RBM33: variants seen among roughly 807,000 people sequenced by gnomAD.
The protein encoded by RBM33 is RNA binding motif protein 33, also known as RNA-binding protein 33.
RBM33 carries 28 observed loss-of-function variants against 132.6 expected under a neutral mutation model. The ratio of observed to expected loss-of-function variants is 0.21; its 90% CI spans 0.16 to 0.29. The LOEUF (loss-of-function observed/expected upper bound fraction) is 0.29, where lower values mean the gene tolerates loss of function less well. Ranked by LOEUF, RBM33 falls within the 10% of genes least tolerant of loss-of-function variation. RBM33 has a pLI of 1.00. For missense variants in RBM33, 1,291 were observed against 1,518.5 expected, an observed-to-expected ratio of 0.85 and a Z score of 2.49; for synonymous variants, 634 against 593.0, an observed-to-expected ratio of 1.07 and a Z score of -1.01.
At chr7:155,684,406 TG>T (rs2116929389) in intron 5 of RBM33, among the ~76,000 whole-genome samples, 1 of 152,320 alleles carries the variant, frequency 6.6e-6, no homozygotes, top group East Asian at 1.9e-4. Flanking sequence ...AAGAGATTCT[TG>T]CTTGCTAATA....
chr7:155,711,626 C>T (rs955750817), intron 8 of RBM33, among the ~76,000 whole-genome samples, 171 bp downstream of exon 8: 12 of 152,172 alleles, frequency 7.9e-5, no homozygotes, highest in African/African-American at 2.9e-4. Context: ...GGGGTAGCAA[C>T]ATGCATCCCA....
intron 16 of RBM33, among the ~76,000 whole-genome samples, chr7:155,772,311 GC>G (rs1802456629): frequency 6.6e-6 from 1 of 152,008 alleles, no homozygotes; most frequent in African/African-American, 2.4e-5. Flanking sequence ...TTAGGGTTAG[GC>G]TGGGATGGAC....
chr7:155,725,064 G>C (rs1457339929), intron 9 of RBM33, among the ~76,000 whole-genome samples: 1 of 150,556 alleles, frequency 6.6e-6, no homozygotes, highest in Non-Finnish European at 1.5e-5. Context: ...AACATAAGTT[G>C]TCAGTAAATG....
At chr7:155,660,748 T>C (rs1245162797) in intron 1 of RBM33, among the ~76,000 whole-genome samples, 1 of 152,244 alleles carries the variant, frequency 6.6e-6, no homozygotes, top group Non-Finnish European at 1.5e-5. Context: ...TTGAGTTTGT[T>C]GAGCCTTCTG....
At chr7:155,760,559 T>A (rs1802000802) in intron 14 of RBM33, among the ~76,000 whole-genome samples, 1 of 152,242 alleles carries the variant, frequency 6.6e-6, no homozygotes, top group Non-Finnish European at 1.5e-5. Context: ...ACGTGCATAG[T>A]GAATTTATGA....
Position 155,739,702 on chromosome 7 carries a change from T to G in RBM33, c.1738-13T>G, listed in dbSNP as rs1237459286. 6.5e-7 allele frequency: 1 copy of G among 1,537,096 alleles called. No individual in the cohort carries two copies. The highest frequency in any genetic ancestry group is 2.5e-5 in the East Asian group (1 of 40,808). ...TTTATGAACTGTTGTTTCTCTTTCT[T>G]TGGAAATGGAAGGGGCCGTTGCATC... On this transcript the variant is annotated splice_polypyrimidine_tract_variant and intron_variant, in intron 11 of 17. Coordinates refer to ENST00000401878, the MANE Select transcript of RBM33 (RefSeq NM_053043.3).
At chr7:155,719,432 GGT>G (rs1800559387) in intron 9 of RBM33, among the ~76,000 whole-genome samples, 1 of 152,098 alleles carries the variant, frequency 6.6e-6, no homozygotes. Context: ...TTGGATTTAA[GGT>G]TCAGAGTATT....
Position 155,711,442 on chromosome 7 carries a change from C to G in RBM33, c.1188C>G (p.Val396=). 2 of 1,461,588 alleles carry G rather than the reference C, an allele frequency of 1.4e-6. No individual in the cohort carries two copies. The highest frequency in any genetic ancestry group is 1.8e-6 in the Non-Finnish European group (2 of 1,104,794). The allele number at this position is 1,461,588 out of a possible 1,614,324, so 90.5% of individuals were successfully genotyped here. ...HINPHFKGTV[V]TPVQVPLLPV... ...ACCCGCACTTCAAAGGGACGGTGGTCACGCCTGTTCAAGGTCTGTGTTTCC... is the reference window on the plus strand; with the variant it reads ...ACCCGCACTTCAAAGGGACGGTGGTGACGCCTGTTCAAGGTCTGTGTTTCC... Residue 396 remains valine (V), a synonymous_variant, in exon 8 of 18, where the codon GTC becomes GTG. Coordinates refer to ENST00000401878, the MANE Select transcript of RBM33 (RefSeq NM_053043.3).
At chr7:155,697,289 T>G (rs916109360) in intron 5 of RBM33, among the ~76,000 whole-genome samples, 3 of 152,214 alleles carry the variant, frequency 2.0e-5, no homozygotes, top group African/African-American at 7.2e-5. Flanking sequence ...AAACCCCACT[T>G]GGTTGTGATG....
chr7:155,759,517 A>C (rs367999274), intron 14 of RBM33, among the ~76,000 whole-genome samples: 1 of 145,704 alleles, frequency 6.9e-6, no homozygotes, highest in African/African-American at 2.6e-5. Flanking sequence ...TCCCGGGTTC[A>C]CGCCATTCTC....
At chr7:155,703,947 CT>C (rs926942004) in intron 6 of RBM33, among the ~76,000 whole-genome samples, 15 of 149,320 alleles carry the variant, frequency 1.0e-4, no homozygotes, top group East Asian at 7.8e-4. Context: ...ATGAGGTGTA[CT>C]TTTTTTTTTG....
chr7:155,754,134 A>T (rs1012561581), intron 14 of RBM33, among the ~76,000 whole-genome samples: 26 of 152,250 alleles, frequency 1.7e-4, no homozygotes, highest in Non-Finnish European at 1.2e-4. Context: ...TTTTGAACAC[A>T]TAAGAATTTC....
intron 3 of RBM33, among the ~76,000 whole-genome samples, chr7:155,674,139 G>C (rs1430295228): frequency 6.6e-6 from 1 of 151,592 alleles, no homozygotes; most frequent in Non-Finnish European, 1.5e-5. Flanking sequence ...TAACACTTAA[G>C]AGTTAGTGTG....
At chr7:155,756,313 T>C (rs931710108) in intron 14 of RBM33, among the ~76,000 whole-genome samples, 4 of 152,244 alleles carry the variant, frequency 2.6e-5, no homozygotes. Flanking sequence ...AGAAGACTTA[T>C]AAATAAATGG....
rs778383833 is a variant in RBM33 at position 155,766,556 on chromosome 7, G to A, written c.3276G>A (p.Glu1092=). The A allele has an allele frequency of 3.7e-6, 6 of 1,613,638 alleles. 1 individual carries two copies. In the South Asian group the frequency reaches 5.5e-5, roughly 15 times the overall value. The change falls in exon 16 of 18, where the codon GAG becomes GAA. Residue 1092 remains glutamate (E), a synonymous_variant. Coordinates refer to ENST00000401878, the MANE Select transcript of RBM33 (RefSeq NM_053043.3). ...ACAAGCAGAACCTGCGGGTGGTGGA[G>A]TGCAAGCCCCAGCCCTGCGTGGTGT... ...MPNKQNLRVV[E]CKPQPCVVSV...
chr7:155,659,255 T>C (rs1798575393), intron 1 of RBM33, among the ~76,000 whole-genome samples: 1 of 152,048 alleles, frequency 6.6e-6, no homozygotes, highest in Admixed American at 6.5e-5. Flanking sequence ...GAAAAAGAAA[T>C]AGAAACCACA....
chr7:155,753,131 A>G (rs903236749), intron 14 of RBM33, among the ~76,000 whole-genome samples: 2 of 152,210 alleles, frequency 1.3e-5, no homozygotes, highest in East Asian at 3.8e-4. Context: ...AGTACTTCTG[A>G]TGATAAAAGT....
intron 13 of RBM33, 87 bp from the exon 14 acceptor site, chr7:155,744,874 G>A (rs1323177580): frequency 6.8e-5 from 87 of 1,274,128 alleles, no homozygotes; most frequent in Non-Finnish European, 9.2e-5. Context: ...AAGGACTTGT[G>A]GTAAATGTGT....
intron 1 of RBM33, among the ~76,000 whole-genome samples, chr7:155,655,970 C>A (rs1798481741): frequency 6.6e-6 from 1 of 152,120 alleles, no homozygotes; most frequent in South Asian, 2.1e-4. Flanking sequence ...TGTAGAACAT[C>A]ATTTTTACTT....
Sources: allele counts gnomAD v4.1 joint callset (sites outside exome capture counted in the v4.1 genomes callset), GRCh38; gene constraint gnomAD v4.1.1; transcripts MANE v1.5; gene names NCBI Gene and HGNC (gene_info 2026-07-23, HGNC 2026-07-21).